NAV2: variants seen among roughly 807,000 people sequenced by gnomAD.
The protein encoded by NAV2 is helicase, APC down-regulated 1.
NAV2 carries 54 observed loss-of-function variants against 223.2 expected under a neutral mutation model. That is an observed-to-expected ratio of 0.24 (90% CI 0.19 to 0.30). The LOEUF (loss-of-function observed/expected upper bound fraction) is 0.30, where lower values mean the gene tolerates loss of function less well. Among genes scored for constraint, NAV2 ranks in the 10% least tolerant of loss-of-function variants. The pLI, the probability that NAV2 is intolerant of heterozygous loss-of-function variation, is 1.00. For missense variants in NAV2, 2,806 were observed against 3,147.5 expected (o/e 0.89, Z 2.60); for synonymous variants, 1,279 against 1,239.3 (o/e 1.03, Z -0.67).
chr11:19,761,029 T>A (rs1433307220), intron 1 of NAV2, among the ~76,000 whole-genome samples: 1 of 152,182 alleles, frequency 6.6e-6, no homozygotes, highest in East Asian at 1.9e-4. Context: ...CTTTGAAAAC[T>A]GCAGCTTACC....
At chr11:19,579,127 TA>T (rs1460226266) in intron 1 of NAV2, among the ~76,000 whole-genome samples, 1 of 152,196 alleles carries the variant, frequency 6.6e-6, no homozygotes, top group Non-Finnish European at 1.5e-5. Context: ...GTGCCTGACT[TA>T]ATGTTTCTGA....
intron 1 of NAV2, among the ~76,000 whole-genome samples, chr11:19,734,377 G>T (rs1384292503): frequency 1.3e-5 from 2 of 152,176 alleles, no homozygotes; most frequent in Non-Finnish European, 2.9e-5. Context: ...CAGTGCAAGG[G>T]GAATTGCTTA....
intron 8 of NAV2, among the ~76,000 whole-genome samples, chr11:19,943,122 C>A (rs536995338): frequency 6.6e-6 from 1 of 152,224 alleles, no homozygotes; most frequent in East Asian, 1.9e-4. Context: ...ATTTGAAAAC[C>A]TATGCCTAGA....
intron 1 of NAV2, among the ~76,000 whole-genome samples, chr11:19,768,978 A>C (rs1590394586): frequency 6.6e-6 from 1 of 152,226 alleles, no homozygotes; most frequent in South Asian, 2.1e-4. Context: ...TCTAAGGCCT[A>C]GTGTGAACCT....
intron 1 of NAV2, among the ~76,000 whole-genome samples, chr11:19,639,940 A>C (rs909703335): frequency 1.3e-5 from 2 of 152,210 alleles, no homozygotes; most frequent in African/African-American, 4.8e-5. Flanking sequence ...GGCTCATTCA[A>C]ATTCAGCATG....
At chr11:20,105,442 C>A in intron 34 of NAV2, 89 bp from the exon 35 acceptor site, 2 of 1,083,144 alleles carry the variant, frequency 1.8e-6, no homozygotes, top group Non-Finnish European at 2.8e-6. Context: ...GCATATACAC[C>A]TTCTGTTTCT....
At chr11:19,351,011 T>A in exon 1 of NAV2, 1 of 1,551,724 alleles carries the variant, frequency 6.4e-7, no homozygotes, top group South Asian at 1.2e-5. Context: ...ATCCACGGAC[T>A]GGAAGATCAA....
At chr11:19,839,431 G>C (rs2060401242) in intron 2 of NAV2, among the ~76,000 whole-genome samples, 1 of 152,182 alleles carries the variant, frequency 6.6e-6, no homozygotes, top group Non-Finnish European at 1.5e-5. Flanking sequence ...AAGAGAGAGA[G>C]AGAATTTCTT....
chr11:20,045,594 C>G lies in NAV2; in HGVS notation c.3826C>G (p.Pro1276Ala). The G allele has an allele frequency of 1.2e-6, 2 of 1,614,204 alleles. No homozygotes were observed. The highest frequency in any genetic ancestry group is 1.7e-6 in the Non-Finnish European group (2 of 1,180,034). Residue 1276 changes from proline to alanine, a missense_variant, in exon 14 of 38, where the codon CCT becomes GCT. Around this residue, in one of 4 missense-constraint regions of NAV2, gnomAD observed 742 missense variants for 777.9 expected, o/e 0.95. Coordinates refer to ENST00000349880, the MANE Select transcript of NAV2 (RefSeq NM_145117.5). ...NSVKVNPAAQ[P>A]VSSPAQTSLQ... ...GGTGAAAGTGAATCCGGCAGCCCAGCCTGTGTCCAGTCCGGCTCAGACCAG... is the reference window on the plus strand; with the variant it reads ...GGTGAAAGTGAATCCGGCAGCCCAGGCTGTGTCCAGTCCGGCTCAGACCAG...
Position 19,404,234 on chromosome 11 carries a change from C to T in NAV2, c.75+53207C>T, listed in dbSNP as rs983077618. Among the ~76,000 whole-genome samples, 8 of 152,124 alleles carry T rather than the reference C, an allele frequency of 5.3e-5. No homozygotes were observed. The South Asian group carries it at 8.3e-4, about 16-fold the overall frequency. On this transcript the variant is annotated intron_variant, in intron 1 of 37. Coordinates refer to the NAV2 transcript ENST00000360655. ...ATCATGGAAAGATTTTAATTGTGAA[C>T]GATGTGATCACATTGTATTTGAGGT...
At chr11:19,612,743 A>G (rs1011995438) in intron 1 of NAV2, among the ~76,000 whole-genome samples, 5 of 152,176 alleles carry the variant, frequency 3.3e-5, no homozygotes, top group African/African-American at 1.2e-4. Context: ...AGTCTCTAGA[A>G]GGTTCCAAAC....
chr11:19,533,706 CTTT>C (rs34280979), intron 1 of NAV2, among the ~76,000 whole-genome samples: 2 of 126,536 alleles, frequency 1.6e-5, no homozygotes. Context: ...TGGGAACTAT[CTTT>C]TTTTTTTTTT....
chr11:19,364,916 C>T (rs184382370), intron 1 of NAV2, among the ~76,000 whole-genome samples: 6 of 152,284 alleles, frequency 3.9e-5, no homozygotes, highest in South Asian at 2.1e-4. Flanking sequence ...CTAGGTTTAC[C>T]CATACAACAA....
chr11:19,440,300 A>G (rs563456387), intron 1 of NAV2, among the ~76,000 whole-genome samples: 1 of 152,174 alleles, frequency 6.6e-6, no homozygotes, highest in East Asian at 1.9e-4. Flanking sequence ...GGGTCTAGTG[A>G]GGGTGGTGGT....
rs559857729 is a variant in NAV2, at chr11:19,397,976, C to A, written c.75+46949C>A. ...AGCTGGCATTGCTGTATTCCAGAAGCCTTGATGCCAAGAGGGATGGCCTTT... is the reference window on the plus strand; with the variant it reads ...AGCTGGCATTGCTGTATTCCAGAAGACTTGATGCCAAGAGGGATGGCCTTT... On this transcript the variant is annotated intron_variant, in intron 1 of 37. Coordinates refer to the NAV2 transcript ENST00000360655. 7.2e-5 allele frequency among the ~76,000 whole-genome samples: 11 copies of A among 152,264 alleles called. No individual in the cohort carries two copies. In the East Asian group the frequency reaches 2.1e-3, roughly 29 times the overall value.
At chr11:19,711,281 T>C (rs956503080), upstream of NAV2, 2 of 152,192 alleles carry the variant, frequency 1.3e-5, no homozygotes, top group Non-Finnish European at 2.9e-5. Flanking sequence ...AAAAATACCA[T>C]AAACAGGATG....
intron 1 of NAV2, among the ~76,000 whole-genome samples, chr11:19,391,223 C>G (rs1422605047): frequency 6.6e-6 from 1 of 152,112 alleles, no homozygotes; most frequent in African/African-American, 2.4e-5. Context: ...GCACCCCTTC[C>G]CTGTCAGAGC....
At chr11:19,413,680 G>C (rs1850240433) in intron 1 of NAV2, among the ~76,000 whole-genome samples, 1 of 152,156 alleles carries the variant, frequency 6.6e-6, no homozygotes, top group African/African-American at 2.4e-5. Flanking sequence ...AGAGAGAAAG[G>C]TCTGGTTACC....
intron 22 of NAV2, among the ~76,000 whole-genome samples, chr11:20,069,770 T>C (rs1221969160): frequency 6.6e-6 from 1 of 152,206 alleles, no homozygotes; most frequent in Non-Finnish European, 1.5e-5. Context: ...TTCAAGAGGC[T>C]GTCTTCCCTC....
Sources: allele counts gnomAD v4.1 joint callset (sites outside exome capture counted in the v4.1 genomes callset), GRCh38; gene constraint gnomAD v4.1.1; regional missense constraint gnomAD v4.1.1; transcripts MANE v1.5; gene names NCBI Gene and HGNC (gene_info 2026-07-23, HGNC 2026-07-21).